Variants in MOG observed in about 807,000 individuals in gnomAD.
The protein encoded by MOG is myelin oligodendrocyte glycoprotein, also known as myelin-oligodendrocyte glycoprotein.
In MOG, 20 loss-of-function variants were observed where a neutral mutation model predicts 35.9. That is an observed-to-expected ratio of 0.56 (90% confidence interval 0.39 to 0.81). The LOEUF (loss-of-function observed/expected upper bound fraction) is 0.81. Among genes scored for constraint, MOG ranks in the 30% least tolerant of loss-of-function variants. The pLI is 0.00. For synonymous variants in MOG, 92 were observed against 114.3 expected (o/e 0.80, Z 1.25); for missense variants, 251 against 301.0 (o/e 0.83, Z 1.23).
At chr6:29,666,077 A>T in intron 2 of MOG, 75 bp from the exon 3 acceptor site, 1 of 912,052 alleles carries the variant, frequency 1.1e-6, no homozygotes. Context: ...GACCTGATTT[A>T]TTGGGCCCCA....
At position 29,670,287 on chromosome 6, in the gene MOG, A is replaced by G. The variant is rs1482374362; in HGVS notation, c.599A>G (p.His200Arg). 5.0e-6 allele frequency: 8 copies of G among 1,614,140 alleles called. No individual in the cohort carries two copies. The South Asian group carries it at 8.8e-5, about 18-fold the overall frequency. Residue 200 changes from histidine (H) to arginine (R), a missense_variant, in exon 6 of 8, where the codon CAC becomes CGC. Transcript: ENST00000376917. The surrounding 1 kb of genome is among the most constrained non-coding windows in gnomAD (Gnocchi z 4.2). ...GTTCTGGTGAACAATTCAGATCCCC[A>G]CTTTCTGAGGGTGCCCTGCTGGAAG... Reference protein sequence around the residue: ...IENLHRTFDPHFLRVPCWKIT... With the variant: ...IENLHRTFDPRFLRVPCWKIT...
chr6:29,670,780 A>C lies in MOG; in HGVS notation c.730+59A>C. The C allele has an allele frequency of 1.2e-6, 2 of 1,604,210 alleles. No individual in the cohort carries two copies. The highest frequency in any genetic ancestry group is 1.7e-4 in the Middle Eastern group (1 of 6,056). ...TAAAAAGCCAGGAAAGGGAGACAGA[A>C]GCAACAAGAGGAAGAGGCGGGCTAT... On this transcript the variant is annotated intron_variant, in intron 7 of 7. Transcript: ENST00000376917. The surrounding 1 kb of genome is among the most constrained non-coding windows in gnomAD (Gnocchi z 4.2).
chr6:29,660,529 CA>C lies in MOG; in HGVS notation c.436+879del, dbSNP rs1311423493. On this transcript the variant is annotated intron_variant, in intron 2 of 7. Transcript: ENST00000376917. ...TGGGGGACACAGCGAGACTCCGTCT[CA>C]AAAAAAAAAAAAAAACCCTGTATTT... Among the ~76,000 whole-genome samples the C allele has an allele frequency of 5.3e-3, 318 of 59,556 alleles. 3 individuals carry two copies. The highest frequency in any genetic ancestry group is 0.032 in the Middle Eastern group (3 of 94). 39.1% of individuals were successfully genotyped at this position (59,556 alleles called of 152,430 possible). A position where few individuals can be genotyped will look rare whatever the true frequency, so the allele number is the denominator to read the frequency against.
rs1018739884 is a variant in MOG, at chr6:29,659,554, A to G, written c.324A>G (p.Gly108=). The G allele has an allele frequency of 1.2e-6, 2 of 1,612,962 alleles. No individual in the cohort carries two copies. The highest frequency in any genetic ancestry group is 2.7e-5 in the African/African-American group (2 of 74,920). The change falls in exon 2 of 8, where the codon GGA becomes GGG. Residue 108 remains glycine (G), a synonymous_variant. Coordinates refer to ENST00000376917, the MANE Select transcript of MOG (RefSeq NM_206809.4). ...TELLKDAIGE[G]KVTLRIRNVR... is the part of the protein sequence containing the mutation. The stretch of plus-strand genomic sequence containing the variant: ...TGCTGAAAGATGCTATTGGTGAGGG[A>G]AAGGTGACTCTCAGGATCCGGAATG...
intron 2 of MOG, among the ~76,000 whole-genome samples, chr6:29,664,358 C>T (rs1272322236): frequency 6.6e-6 from 1 of 151,962 alleles, no homozygotes; most frequent in African/African-American, 2.4e-5. Context: ...CAGGCTGCAC[C>T]ACCATGTCTG....
intron 2 of MOG, among the ~76,000 whole-genome samples, chr6:29,660,745 GAC>G (rs373115737): frequency 6.7e-4 from 66 of 99,022 alleles, no homozygotes; most frequent in Non-Finnish European, 8.1e-4. Context: ...TTTTTTTTTT[GAC>G]ACAGAGTCTC....
At chr6:29,663,680 T>C (rs1055447629) in intron 2 of MOG, among the ~76,000 whole-genome samples, 1 of 152,210 alleles carries the variant, frequency 6.6e-6, no homozygotes, top group Admixed American at 6.5e-5. Flanking sequence ...CGGAGGCTGA[T>C]AATGTCTGCT....
Position 29,664,031 on chromosome 6 carries a change from A to G in MOG, c.437-2121A>G, listed in dbSNP as rs968033388. On this transcript the variant is annotated intron_variant, in intron 2 of 7. Coordinates refer to ENST00000376917, the MANE Select transcript of MOG (RefSeq NM_206809.4). ...AGCTGCAGCATGGCACATGGAGATT[A>G]GAGTGGGGCTTTTGGATGCTGAGGA... is the stretch of plus-strand genomic sequence containing the variant. The G allele has an allele frequency of 3.6e-5, 13 of 363,370 alleles. 1 individual carries two copies. The South Asian group carries it at 1.5e-3, about 42-fold the overall frequency. The allele number at this position is 363,370 out of a possible 1,614,324, so 22.5% of individuals were successfully genotyped here.
At chr6:29,665,191 G>A (rs1003165020) in intron 2 of MOG, among the ~76,000 whole-genome samples, 1 of 151,818 alleles carries the variant, frequency 6.6e-6, no homozygotes, top group Non-Finnish European at 1.5e-5. Context: ...CCGCCTCCTG[G>A]GTTCAAGCGA....
intron 2 of MOG, among the ~76,000 whole-genome samples, chr6:29,663,011 T>G (rs9468579): frequency 0.013 from 1,941 of 152,240 alleles, 21 homozygotes; most frequent in South Asian, 0.028. Context: ...GGCTCACACC[T>G]GTAATCCCAG....
At chr6:29,660,081 G>T (rs1325083956) in intron 2 of MOG, among the ~76,000 whole-genome samples, 1 of 152,098 alleles carries the variant, frequency 6.6e-6, no homozygotes, top group Non-Finnish European at 1.5e-5. Context: ...AGCTACTCAG[G>T]AGGCTGAGAC....
chr6:29,661,628 C>T (rs1013558016), intron 2 of MOG: 23 of 870,210 alleles, frequency 2.6e-5, no homozygotes, highest in South Asian at 5.3e-5. Context: ...CGAGACTAGC[C>T]TGACCAACAT....
In MOG at chr6:29,657,262, T is replaced by C. The variant is rs150396974; in HGVS notation, c.53T>C (p.Leu18Pro). Residue 18 changes from leucine to proline, a missense_variant, in exon 1 of 8, where the codon CTC becomes CCC. Leu to Pro is a moderately conservative substitution (Grantham distance 98). Coordinates refer to ENST00000376917, the MANE Select transcript of MOG (RefSeq NM_206809.4). ...SLPSCLCSFL[L>P]LLLLQVSSSY... is the part of the protein sequence containing the mutation. ...CCCAGCTGCCTCTGCTCCTTCCTCC[T>C]CCTCCTCCTCCTCCAAGTGTCTTCC... 6.2e-7 allele frequency: 1 copy of C among 1,606,014 alleles called. No individual in the cohort carries two copies. Among genetic ancestry groups the C allele is most frequent in the African/African-American group, 1.3e-5 (1 of 74,774 alleles).
At chr6:29,659,153 G>GGAAGAA (rs10548565) in intron 1 of MOG, among the ~76,000 whole-genome samples, 166 bp from the exon 2 acceptor site, 6 of 151,838 alleles carry the variant, frequency 4.0e-5, no homozygotes, top group African/African-American at 1.5e-4. Context: ...TAAATAAAAA[G>GGAAGAA]GAAGAAGAAG....
intron 3 of MOG, among the ~76,000 whole-genome samples, chr6:29,667,124 T>A (rs1770382384): frequency 6.6e-6 from 1 of 152,194 alleles, no homozygotes; most frequent in Admixed American, 6.5e-5. Flanking sequence ...GGTACTGAAC[T>A]CTATAGCAAA....
Position 29,659,439 on chromosome 6 carries a change from G to GC in MOG, c.216dup (p.Phe73LeufsTer3), listed in dbSNP as rs761971886. ...ACAGGCATGGAGGTGGGGTGGTACC[G>GC]CCCCCCCTTCTCTAGGGTGGTTCAT... On this transcript the variant is annotated frameshift_variant, in exon 2 of 8. Transcript: ENST00000376917. LOFTEE classifies it high-confidence loss of function. 7.4e-6 allele frequency: 12 copies of GC among 1,612,654 alleles called. No individual in the cohort carries two copies. Among genetic ancestry groups the GC allele is most frequent in the East Asian group, 2.2e-5 (1 of 44,888 alleles).
At chr6:29,667,763 GT>G in intron 4 of MOG, 100 bp downstream of exon 4, 3 of 1,552,210 alleles carry the variant, frequency 1.9e-6, no homozygotes, top group Non-Finnish European at 1.8e-6. Flanking sequence ...TCAATACCCT[GT>G]TTTCCCCTCA....
intron 5 of MOG, among the ~76,000 whole-genome samples, chr6:29,669,307 T>C (rs1770926645): frequency 6.6e-6 from 1 of 151,444 alleles, no homozygotes; most frequent in African/African-American, 2.4e-5. Context: ...TTTCTTTCTT[T>C]CTTTTTTTTT....
chr6:29,660,316 T>C (rs963070511), intron 2 of MOG, among the ~76,000 whole-genome samples: 2 of 133,064 alleles, frequency 1.5e-5, no homozygotes, highest in African/African-American at 5.6e-5. Flanking sequence ...GGTCAGGAGA[T>C]CGAGACCATC....
Sources: allele counts gnomAD v4.1 joint callset (sites outside exome capture counted in the v4.1 genomes callset), GRCh38; gene constraint gnomAD v4.1.1; non-coding constraint Gnocchi (gnomAD v3.1); transcripts MANE v1.5; gene names NCBI Gene and HGNC (gene_info 2026-07-23, HGNC 2026-07-21).